The following USP24 variants were observed in gnomAD, a reference collection of about 807,000 sequenced individuals.
USP24 encodes ubiquitin carboxyl-terminal hydrolase 24.
A neutral mutation model predicts 361.6 loss-of-function variants in USP24; 97 were observed. That is an observed-to-expected ratio of 0.27 (90% CI 0.23 to 0.32). USP24 has a LOEUF of 0.32. Ranked by LOEUF, USP24 falls within the 10% of genes least tolerant of loss-of-function variation. USP24 has a pLI of 1.00. For synonymous variants in USP24, 1,098 were observed against 1,124.6 expected (o/e 0.98, Z 0.47); for missense variants, 2,353 against 3,165.6 (o/e 0.74, Z 6.16).
chr1:55,200,299 T>C (rs1223772930), intron 1 of USP24, among the ~76,000 whole-genome samples: 1 of 152,222 alleles, frequency 6.6e-6, no homozygotes, highest in Non-Finnish European at 1.5e-5. Context: ...GAGGTCCTTA[T>C]GGGAATAAGC....
chr1:55,144,316 C>T lies in USP24; in HGVS notation c.2363-113G>A, dbSNP rs116935990. ...ACCATAAGACTCTTGGCATTGGCTT[C>T]TTAGATATGGTACCAAAGCAGAAGC... On this transcript the variant is annotated intron_variant, in intron 20 of 67. Coordinates refer to ENST00000294383, the MANE Select transcript of USP24 (RefSeq NM_015306.3). The T allele has an allele frequency of 1.3e-3, 711 of 556,884 alleles. 10 individuals carry two copies. In the East Asian group the frequency reaches 0.019, roughly 15 times the overall value. The allele number at this position is 556,884 out of a possible 1,614,324, so 34.5% of individuals were successfully genotyped here.
intron 9 of USP24, 53 bp downstream of exon 9, chr1:55,159,558 G>A (rs941951219): frequency 4.7e-6 from 7 of 1,485,398 alleles, no homozygotes; most frequent in Admixed American, 2.0e-5. Context: ...TCCTGGCTCT[G>A]CTTCTGTGAA....
At chr1:55,073,967 G>A (rs2100394314) in intron 63 of USP24, 61 bp from the exon 64 acceptor site, 3 of 1,341,120 alleles carry the variant, frequency 2.2e-6, no homozygotes, top group Non-Finnish European at 3.1e-6. Context: ...GGCTCCAAGT[G>A]ACAACAAGCT....
At chr1:55,143,161 A>C (rs753297319) in intron 21 of USP24, 42 bp from the exon 22 acceptor site, 10 of 1,376,516 alleles carry the variant, frequency 7.3e-6, no homozygotes, top group Non-Finnish European at 9.6e-6. Flanking sequence ...GCATATCAAG[A>C]TCACAAAGTT....
intron 32 of USP24, among the ~76,000 whole-genome samples, chr1:55,128,713 C>CTTT (rs869191004): frequency 8.8e-5 from 11 of 124,872 alleles, no homozygotes; most frequent in Non-Finnish European, 1.2e-4. Context: ...GCTTTAATAC[C>CTTT]TTTTTTTTTT....
chr1:55,102,655 C>T (rs530144845), intron 42 of USP24, among the ~76,000 whole-genome samples: 2 of 151,950 alleles, frequency 1.3e-5, no homozygotes, highest in Admixed American at 1.3e-4. Flanking sequence ...ACCTAATTAA[C>T]ACCGAAATTT....
chr1:55,095,234 T>C lies in USP24; in HGVS notation c.6203+21A>G, dbSNP rs1476333818. 3 of 1,610,682 alleles carry C rather than the reference T, an allele frequency of 1.9e-6. No individual in the cohort carries two copies. In the African/African-American group the frequency reaches 4.0e-5, roughly 22 times the overall value. On this transcript the variant is annotated intron_variant, in intron 51 of 67. Coordinates refer to ENST00000294383, the MANE Select transcript of USP24 (RefSeq NM_015306.3). ...ATCACCATAGAAATCACACAGCAAA[T>C]TACATGGAAGAGACACTTACAGAGA...
chr1:55,173,251 T>G, intron 3 of USP24, among the ~76,000 whole-genome samples: 1 of 152,072 alleles, frequency 6.6e-6, no homozygotes, highest in East Asian at 1.9e-4. Context: ...ATGTACAAAA[T>G]AATATTTTTT....
intron 5 of USP24, among the ~76,000 whole-genome samples, chr1:55,170,809 T>C (rs1649370205): frequency 6.6e-6 from 1 of 152,092 alleles, no homozygotes; most frequent in African/African-American, 2.4e-5. Context: ...TTTGTTTTCG[T>C]ATTTCCTCCA....
chr1:55,075,341 T>C, intron 63 of USP24, 116 bp downstream of exon 63: 1 of 999,420 alleles, frequency 1.0e-6, no homozygotes, highest in Non-Finnish European at 1.5e-6. Flanking sequence ...ACCAGACTTC[T>C]ACTGTATCAG....
intron 47 of USP24, 85 bp downstream of exon 47, chr1:55,097,858 G>A (rs1645532888): frequency 6.6e-7 from 1 of 1,525,538 alleles, no homozygotes; most frequent in African/African-American, 1.4e-5. Context: ...AACAGTAGGA[G>A]CTTAATACTG....
chr1:55,092,503 G>A (rs1361723708), intron 53 of USP24, among the ~76,000 whole-genome samples: 1 of 152,150 alleles, frequency 6.6e-6, no homozygotes, highest in Non-Finnish European at 1.5e-5. Flanking sequence ...TTACAAATTA[G>A]GAATCTCCAC....
At chr1:55,142,929 T>A (rs187331666) in intron 22 of USP24, 50 bp downstream of exon 22, 2 of 1,448,518 alleles carry the variant, frequency 1.4e-6, no homozygotes, top group African/African-American at 1.5e-5. Context: ...AATATACATA[T>A]AATTTTCTGC....
At chr1:55,162,152 T>C in intron 8 of USP24, 47 bp downstream of exon 8, 3 of 1,532,120 alleles carry the variant, frequency 2.0e-6, no homozygotes, top group Non-Finnish European at 2.6e-6. Context: ...TATTACTGTT[T>C]GCATGTCTTC....
chr1:55,135,369 C>G (rs931700440), intron 28 of USP24, among the ~76,000 whole-genome samples: 3 of 152,078 alleles, frequency 2.0e-5, no homozygotes, highest in African/African-American at 7.2e-5. Flanking sequence ...GTGAAATTCT[C>G]CAAAATCGGA....
chr1:55,148,669 C>T (rs1251466293), intron 16 of USP24, 99 bp from the exon 17 acceptor site: 2 of 825,952 alleles, frequency 2.4e-6, no homozygotes, highest in Non-Finnish European at 3.8e-6. Flanking sequence ...TTTACTGTTA[C>T]ACATTTTATT....
intron 66 of USP24, among the ~76,000 whole-genome samples, 180 bp downstream of exon 66, chr1:55,072,137 G>A: frequency 6.6e-6 from 1 of 151,982 alleles, no homozygotes; most frequent in East Asian, 1.9e-4. Flanking sequence ...CAAATAATCT[G>A]CACAAATTTG....
chr1:55,094,323 T>C (rs1325769832), intron 51 of USP24, among the ~76,000 whole-genome samples: 2 of 152,132 alleles, frequency 1.3e-5, no homozygotes, highest in African/African-American at 2.4e-5. Flanking sequence ...GAAGATAAAA[T>C]AGTGCAGGGC....
intron 7 of USP24, among the ~76,000 whole-genome samples, chr1:55,165,414 G>C (rs768608646): frequency 6.6e-6 from 1 of 152,058 alleles, no homozygotes; most frequent in Non-Finnish European, 1.5e-5. Context: ...CACTGCACCT[G>C]ATGATTCTAA....
Sources: gnomAD v4.1 joint callset for allele counts (sites outside exome capture counted in the v4.1 genomes callset) on GRCh38, gnomAD v4.1.1 for gene constraint, MANE v1.5 for transcripts, NCBI Gene and HGNC (gene_info 2026-07-23, HGNC 2026-07-21) for gene names.